IGSF10: variants seen among roughly 807,000 people sequenced by gnomAD.
IGSF10 encodes the protein calvaria mechanical force protein 608.
Under a neutral mutation model 128.2 loss-of-function variants are expected in IGSF10, and 126 were observed. The observed-to-expected ratio is 0.98, with a 90% CI of 0.85 to 1.14. The LOEUF is 1.14. Among genes scored for constraint, IGSF10 ranks in the 50% most tolerant of loss-of-function variants. The pLI, the probability that IGSF10 is intolerant of heterozygous loss-of-function variation, is 0.00. For synonymous variants in IGSF10, 1,185 were observed against 1,146.2 expected, an observed-to-expected ratio of 1.03 and a Z score of -0.68; for missense variants, 3,295 against 3,149.8, an observed-to-expected ratio of 1.05 and a Z score of -1.10.
the IGSF10 span, among the ~76,000 whole-genome samples, chr3:151,567,408 G>C: frequency 1.3e-5 from 2 of 152,180 alleles, no homozygotes; most frequent in Non-Finnish European, 2.9e-5. Flanking sequence ...TCTGGGACTC[G>C]TGCTAGGGTG....
chr3:151,502,849 A>T, the IGSF10 span, among the ~76,000 whole-genome samples: 2 of 152,122 alleles, frequency 1.3e-5, no homozygotes, highest in African/African-American at 2.4e-5. Context: ...AGTGATAAGA[A>T]AACCAGAAAG....
At chr3:151,499,130 A>C in the IGSF10 span, among the ~76,000 whole-genome samples, 166 of 152,286 alleles carry the variant, frequency 1.1e-3, 1 homozygote, top group Admixed American at 9.8e-3. Flanking sequence ...GAGAGAAAGC[A>C]TACAATTCCT....
the IGSF10 span, among the ~76,000 whole-genome samples, chr3:151,598,948 C>T: frequency 6.6e-6 from 1 of 151,990 alleles, no homozygotes; most frequent in African/African-American, 2.4e-5. Flanking sequence ...GAAAGAGGAA[C>T]TAGATACAAG....
the IGSF10 span, among the ~76,000 whole-genome samples, chr3:151,477,795 G>C: frequency 6.6e-6 from 1 of 152,168 alleles, no homozygotes; most frequent in African/African-American, 2.4e-5. Flanking sequence ...GGACCAGATA[G>C]TGATATGTTA....
At chr3:151,468,770 A>C in the IGSF10 span, among the ~76,000 whole-genome samples, 2 of 152,228 alleles carry the variant, frequency 1.3e-5, no homozygotes, top group African/African-American at 4.8e-5. Context: ...GGATACATGT[A>C]CAGGACGTGC....
At chr3:151,496,397 G>A in the IGSF10 span, among the ~76,000 whole-genome samples, 41,321 of 140,054 alleles carry the variant, frequency 0.3, 6,510 homozygotes, top group Middle Eastern at 0.42. Flanking sequence ...CCCTTCCTGT[G>A]TCCATGTGTT....
Position 151,437,185 on chromosome 3 carries a change from A to G in IGSF10, c.7376T>C (p.Ile2459Thr). ...SLSLHCVSDG[I>T]PKPNIKWTMP... is the part of the protein sequence containing the mutation. ...AGTCCATTTGATATTTGGCTTAGGG[A>G]TTCCATCAGACACACAATGCAGTGA... The change falls in exon 8 of 8, where the codon ATC (isoleucine) becomes ACC (threonine). Residue 2459 changes from isoleucine (I) to threonine (T), a missense_variant. Transcript: ENST00000282466. The G allele has an allele frequency of 6.8e-6, 11 of 1,614,198 alleles. No individual in the cohort carries two copies. The highest frequency in any genetic ancestry group is 9.3e-6 in the Non-Finnish European group (11 of 1,180,040).
chr3:151,517,556 C>G, the IGSF10 span, among the ~76,000 whole-genome samples: 1 of 151,862 alleles, frequency 6.6e-6, no homozygotes, highest in Admixed American at 6.6e-5. Context: ...AATGTGTGAC[C>G]ATGAGGGCAG....
the IGSF10 span, among the ~76,000 whole-genome samples, chr3:151,579,651 G>C: frequency 6.6e-6 from 1 of 151,706 alleles, no homozygotes; most frequent in Non-Finnish European, 1.5e-5. Flanking sequence ...AATGTCATAT[G>C]GTCTAATATA....
chr3:151,496,620 A>G, the IGSF10 span, among the ~76,000 whole-genome samples: 1 of 135,642 alleles, frequency 7.4e-6, no homozygotes, highest in Non-Finnish European at 1.6e-5. Flanking sequence ...GCTATTGTGA[A>G]TAGTGCCACA....
the IGSF10 span, among the ~76,000 whole-genome samples, chr3:151,574,134 C>T: frequency 9.5e-3 from 1,443 of 152,332 alleles, 27 homozygotes; most frequent in African/African-American, 0.033. Flanking sequence ...ACCTTTCTCT[C>T]TGGCTGCCCT....
chr3:151,513,275 G>A, the IGSF10 span, among the ~76,000 whole-genome samples: 1 of 152,110 alleles, frequency 6.6e-6, no homozygotes, highest in East Asian at 1.9e-4. Flanking sequence ...CCATGATCAA[G>A]TGGGCTTCAT....
chr3:151,461,594 T>A, upstream of IGSF10: 1 of 243,328 alleles, frequency 4.1e-6, no homozygotes, highest in Non-Finnish European at 6.6e-6. Context: ...TTTTTGTTTT[T>A]GTGACACGAG....
the IGSF10 span, among the ~76,000 whole-genome samples, chr3:151,555,427 G>A: frequency 6.6e-6 from 1 of 152,018 alleles, no homozygotes; most frequent in African/African-American, 2.4e-5. Context: ...ATCTAGTTGA[G>A]TCAGTTAAAA....
the IGSF10 span, among the ~76,000 whole-genome samples, chr3:151,547,026 G>A: frequency 5.0e-3 from 753 of 151,936 alleles, 2 homozygotes; most frequent in African/African-American, 0.017. Flanking sequence ...CCCCCCCTTG[G>A]CCTCCCAAAG....
the IGSF10 span, among the ~76,000 whole-genome samples, chr3:151,617,348 C>T: frequency 3.4e-5 from 5 of 146,550 alleles, no homozygotes; most frequent in East Asian, 2.1e-4. Flanking sequence ...TCCTCCTCCT[C>T]CTCCTCCTCC....
upstream of IGSF10, among the ~76,000 whole-genome samples, chr3:151,462,786 T>G (rs1324888013): frequency 9.5e-6 from 1 of 105,314 alleles, no homozygotes; most frequent in Non-Finnish European, 2.0e-5. Flanking sequence ...GAGTTAGAAG[T>G]AACCCTAGAA....
chr3:151,577,943 G>A, the IGSF10 span, among the ~76,000 whole-genome samples: 29 of 152,112 alleles, frequency 1.9e-4, no homozygotes, highest in African/African-American at 7.0e-4. Flanking sequence ...TTCTTTTAAT[G>A]TTGCTTTGAA....
chr3:151,609,730 A>G, the IGSF10 span, among the ~76,000 whole-genome samples: 1 of 152,204 alleles, frequency 6.6e-6, no homozygotes, highest in Non-Finnish European at 1.5e-5. Context: ...AAGTGAATTA[A>G]TGCAGAAACA....
Sources: allele counts gnomAD v4.1 joint callset (sites outside exome capture counted in the v4.1 genomes callset), GRCh38; gene constraint gnomAD v4.1.1; transcripts MANE v1.5; gene names NCBI Gene and HGNC (gene_info 2026-07-23, HGNC 2026-07-21).